ALCAM: variants seen among roughly 807,000 people sequenced by gnomAD.
ALCAM encodes the protein activated leukocyte cell adhesion molecule, also known as CD166 antigen.
In ALCAM, 30 loss-of-function variants were observed where a neutral mutation model predicts 70.9. The observed-to-expected ratio is 0.42, with a 90% CI of 0.32 to 0.57. The LOEUF is 0.57. Among genes scored for constraint, ALCAM ranks in the 20% least tolerant of loss-of-function variants. ALCAM has a pLI of 0.11. For synonymous variants in ALCAM, 249 were observed against 242.5 expected (o/e 1.03, Z -0.25); for missense variants, 591 against 695.1 (o/e 0.85, Z 1.68).
At chr3:105,490,814 C>T (rs1444825875) in intron 1 of ALCAM, among the ~76,000 whole-genome samples, 1 of 152,156 alleles carries the variant, frequency 6.6e-6, no homozygotes, top group Non-Finnish European at 1.5e-5. Context: ...CTCCTAACTG[C>T]TTTCATGGGC....
intron 14 of ALCAM, 42 bp from the exon 15 acceptor site, chr3:105,571,810 T>C (rs1940866083): frequency 1.1e-5 from 15 of 1,353,478 alleles, no homozygotes; most frequent in Admixed American, 2.0e-5. Flanking sequence ...AAGTTGAACA[T>C]GTATGTGTCA....
intron 1 of ALCAM, among the ~76,000 whole-genome samples, chr3:105,494,591 T>G (rs1375509584): frequency 1.3e-5 from 2 of 151,990 alleles, no homozygotes; most frequent in Non-Finnish European, 2.9e-5. Flanking sequence ...CTTGCTTTCT[T>G]TCCTTCTTTC....
At chr3:105,549,053 A>G (rs1049846682) in intron 11 of ALCAM, among the ~76,000 whole-genome samples, 1 of 151,514 alleles carries the variant, frequency 6.6e-6, no homozygotes, top group African/African-American at 2.4e-5. Flanking sequence ...TAACAAAAAC[A>G]AAGATTCCGT....
At chr3:105,505,158 T>G (rs940633721) in intron 1 of ALCAM, among the ~76,000 whole-genome samples, 2 of 152,198 alleles carry the variant, frequency 1.3e-5, no homozygotes, top group African/African-American at 4.8e-5. Context: ...CTTATTTATA[T>G]GTATATGTTG....
At chr3:105,480,973 G>A (rs1200061397) in intron 1 of ALCAM, among the ~76,000 whole-genome samples, 3 of 151,950 alleles carry the variant, frequency 2.0e-5, no homozygotes, top group Non-Finnish European at 4.4e-5. Context: ...ATTCTGTTCC[G>A]GCTGTGACAG....
At chr3:105,568,066 T>TTA (rs199501955) in intron 14 of ALCAM, among the ~76,000 whole-genome samples, 2,634 of 57,606 alleles carry the variant, frequency 0.046, 56 homozygotes, top group African/African-American at 0.095. Flanking sequence ...TTATTTTATT[T>TTA]TTTTTTTTTT....
intron 1 of ALCAM, among the ~76,000 whole-genome samples, chr3:105,373,628 C>T (rs1935300361): frequency 6.6e-6 from 1 of 152,028 alleles, no homozygotes; most frequent in Non-Finnish European, 1.5e-5. Context: ...TTTCCTTTTC[C>T]CTGTACTTGT....
At chr3:105,381,011 T>C (rs529207420) in intron 1 of ALCAM, among the ~76,000 whole-genome samples, 2 of 151,942 alleles carry the variant, frequency 1.3e-5, no homozygotes, top group African/African-American at 4.8e-5. Context: ...TTGAAACCTG[T>C]GTCTCCTTTC....
chr3:105,516,152 G>A (rs887052961), intron 1 of ALCAM, among the ~76,000 whole-genome samples: 3 of 151,752 alleles, frequency 2.0e-5, no homozygotes, highest in African/African-American at 7.3e-5. Flanking sequence ...ATTATTTGAT[G>A]TTCTTCTGCT....
At chr3:105,377,193 T>G (rs935093365) in intron 1 of ALCAM, among the ~76,000 whole-genome samples, 1 of 152,146 alleles carries the variant, frequency 6.6e-6, no homozygotes, top group Admixed American at 6.5e-5. Context: ...TTTTAAAAAG[T>G]GTGCATTGGA....
At chr3:105,398,600 A>T (rs1048414450) in intron 1 of ALCAM, among the ~76,000 whole-genome samples, 7 of 152,100 alleles carry the variant, frequency 4.6e-5, no homozygotes, top group African/African-American at 1.7e-4. Flanking sequence ...AATAATTAAG[A>T]TGGATAGCAG....
chr3:105,573,847 G>A (rs1940906741), intron 15 of ALCAM, among the ~76,000 whole-genome samples: 1 of 152,208 alleles, frequency 6.6e-6, no homozygotes, highest in African/African-American at 2.4e-5. Flanking sequence ...TAAGGATGGA[G>A]CGTGAGAAAA....
chr3:105,384,030 T>A (rs1935590393), intron 1 of ALCAM, among the ~76,000 whole-genome samples: 1 of 151,650 alleles, frequency 6.6e-6, no homozygotes, highest in South Asian at 2.1e-4. Context: ...TTTGTACCAC[T>A]GAAAATACAT....
At chr3:105,462,389 A>T (rs11710857) in intron 1 of ALCAM, among the ~76,000 whole-genome samples, 20,143 of 151,552 alleles carry the variant, frequency 0.13, 1,417 homozygotes, top group Middle Eastern at 0.18. Context: ...CAAATCTTTG[A>T]TTATATATTT....
chr3:105,471,538 T>C (rs1287376177), intron 1 of ALCAM, among the ~76,000 whole-genome samples: 2 of 151,332 alleles, frequency 1.3e-5, no homozygotes, highest in African/African-American at 4.8e-5. Context: ...TATGGTGAGA[T>C]AGCTCACAAA....
In ALCAM at chr3:105,520,139, A is replaced by G. The variant is rs1441336777; in HGVS notation, c.146A>G (p.Gln49Arg). The G allele has an allele frequency of 6.2e-7, 1 of 1,612,740 alleles. No homozygotes were observed. Among genetic ancestry groups the G allele is most frequent in the African/African-American group, 1.3e-5 (1 of 74,860 alleles). The change falls in exon 2 of 16, where the codon CAG (glutamine) becomes CGG (arginine). Residue 49 changes from glutamine (Q) to arginine (R), a missense_variant. By Grantham distance (43) the Gln-to-Arg change is conservative. This residue lies in a region of ALCAM where 427 missense variants were observed against 450.4 expected (regional missense o/e 0.95). Coordinates refer to ENST00000306107, the MANE Select transcript of ALCAM (RefSeq NM_001627.4). ...ATACCTTGCCGACTTGACGTACCTC[A>G]GAATCTCATGTTTGGCAAATGGAAA... ...IIIPCRLDVP[Q>R]NLMFGKWKYE...
chr3:105,370,560 C>A (rs1486725585), intron 1 of ALCAM, among the ~76,000 whole-genome samples: 1 of 152,074 alleles, frequency 6.6e-6, no homozygotes, highest in East Asian at 1.9e-4. Context: ...TTTAGGCAGG[C>A]AGAGTCATTT....
intron 1 of ALCAM, among the ~76,000 whole-genome samples, chr3:105,469,221 T>C (rs1937846150): frequency 2.0e-5 from 3 of 151,338 alleles, no homozygotes; most frequent in Non-Finnish European, 4.4e-5. Context: ...AATTCAATAC[T>C]TTGTGACCAC....
At chr3:105,496,781 C>A (rs1938751323) in intron 1 of ALCAM, among the ~76,000 whole-genome samples, 1 of 151,298 alleles carries the variant, frequency 6.6e-6, no homozygotes, top group South Asian at 2.1e-4. Context: ...ACTTCTCATT[C>A]TGCTTGGTGC....
Sources: allele counts gnomAD v4.1 joint callset (sites outside exome capture counted in the v4.1 genomes callset), GRCh38; gene constraint gnomAD v4.1.1; regional missense constraint gnomAD v4.1.1; transcripts MANE v1.5; gene names NCBI Gene and HGNC (gene_info 2026-07-23, HGNC 2026-07-21).